CACNG8: variants seen among roughly 807,000 people sequenced by gnomAD.
CACNG8 encodes the protein voltage-dependent calcium channel gamma-8 subunit.
A neutral mutation model predicts 26.9 loss-of-function variants in CACNG8; 5 were observed. That is an observed-to-expected ratio of 0.19 (90% confidence interval 0.10 to 0.39). The LOEUF is 0.39. Ranked by LOEUF, CACNG8 falls within the 10% of genes least tolerant of loss-of-function variation. The pLI, the probability that CACNG8 is intolerant of heterozygous loss-of-function variation, is 1.00. For missense variants in CACNG8, 473 were observed against 609.4 expected, an observed-to-expected ratio of 0.78 and a Z score of 2.36; for synonymous variants, 321 against 296.7, an observed-to-expected ratio of 1.08 and a Z score of -0.84.
rs2069412264 is a variant in CACNG8, at chr19:53,987,056, A to G, written c.*4207A>G. On this transcript the variant is annotated 3_prime_UTR_variant, in exon 4 of 4. Transcript: ENST00000270458. The stretch of plus-strand genomic sequence containing the variant: ...TTTTGAGCACAGGCATGCCATGATC[A>G]TATTTTTATTTTCTTATTTATATTT... 1 of 152,134 alleles carries G rather than the reference A, an allele frequency of 6.6e-6. No homozygotes were observed. Among genetic ancestry groups the G allele is most frequent in the Non-Finnish European group, 1.5e-5 (1 of 68,024 alleles). The allele number at this position is 152,134 out of a possible 1,614,324, so 9.4% of individuals were successfully genotyped here.
intron 1 of CACNG8, among the ~76,000 whole-genome samples, chr19:53,974,120 C>A (rs56266601): frequency 6.6e-6 from 1 of 152,050 alleles, no homozygotes; most frequent in Non-Finnish European, 1.5e-5. Context: ...CACATCCCCC[C>A]ACCCTCCAGC....
Position 53,989,043 on chromosome 19 carries a change from G to A in CACNG8, c.*6194G>A, listed in dbSNP as rs1224481870. 1 of 152,292 alleles carries A rather than the reference G, an allele frequency of 6.6e-6. No individual in the cohort carries two copies. The highest frequency in any genetic ancestry group is 2.4e-5 in the African/African-American group (1 of 41,460). 9.4% of individuals were successfully genotyped at this position (152,292 alleles called of 1,614,324 possible). ...AGCACTCTGGGAGGCCAAGACAGGAGGATTGCTTGAGGCTTGGCGTTTGAG... is the reference window on the plus strand; with the variant it reads ...AGCACTCTGGGAGGCCAAGACAGGAAGATTGCTTGAGGCTTGGCGTTTGAG... On this transcript the variant is annotated 3_prime_UTR_variant, in exon 4 of 4. Transcript: ENST00000270458.
chr19:53,963,282 C>T lies in CACNG8; in HGVS notation c.140C>T (p.Thr47Met), dbSNP rs546450727. The change falls in exon 1 of 4, where the codon ACG (threonine) becomes ATG (methionine). Residue 47 changes from threonine (T) to methionine (M), a missense_variant. Transcript: ENST00000270458. ...ATCAGCACTGACTACTGGCTCTACA[C>T]GCGCGCCCTCATCTGCAACACCACC... The T allele has an allele frequency of 1.2e-6, 2 of 1,609,644 alleles. No homozygotes were observed. The highest frequency in any genetic ancestry group is 8.5e-7 in the Non-Finnish European group (1 of 1,179,358).
chr19:53,966,202 C>G, intron 1 of CACNG8, among the ~76,000 whole-genome samples: 1 of 152,036 alleles, frequency 6.6e-6, no homozygotes, highest in East Asian at 1.9e-4. Context: ...ATTCTCATAC[C>G]TCAGCCTCCC....
chr19:53,965,541 C>T lies in CACNG8; in HGVS notation c.283+2116C>T, dbSNP rs1259258187. Reference sequence around the variant, plus strand: ...ATGGGAGCCCTAGGACAGCACGTGGCATCTAGTAGGGATGTCATTCATTCA... The same window carrying T: ...ATGGGAGCCCTAGGACAGCACGTGGTATCTAGTAGGGATGTCATTCATTCA... On this transcript the variant is annotated intron_variant, in intron 1 of 3. Transcript: ENST00000270458. Among the ~76,000 whole-genome samples the T allele has an allele frequency of 2.6e-5, 4 of 152,142 alleles. No individual in the cohort carries two copies. In the East Asian group the frequency reaches 5.8e-4, roughly 22 times the overall value.
In CACNG8 at chr19:53,987,847, A is replaced by C. The variant is rs1319843826; in HGVS notation, c.*4998A>C. 6.6e-6 allele frequency: 1 copy of C among 151,704 alleles called. No individual in the cohort carries two copies. Among genetic ancestry groups the C allele is most frequent in the Non-Finnish European group, 1.5e-5 (1 of 67,956 alleles). 9.4% of individuals were successfully genotyped at this position (151,704 alleles called of 1,614,324 possible). A position where few individuals can be genotyped will look rare whatever the true frequency, so the allele number is the denominator to read the frequency against. ...GGGAAAGAGAGGCCGTGGCTCAAAA[A>C]CGTAAGTTTTGGAAACGTCAACATA... On this transcript the variant is annotated 3_prime_UTR_variant, in exon 4 of 4. Transcript: ENST00000270458.
At chr19:53,980,494 G>T (rs1040068709) in intron 3 of CACNG8, among the ~76,000 whole-genome samples, 2 of 152,164 alleles carry the variant, frequency 1.3e-5, no homozygotes, top group African/African-American at 4.8e-5. Flanking sequence ...GATCCAAGAG[G>T]GGGCTGGTCC....
chr19:53,971,998 T>C (rs1395857091), intron 1 of CACNG8, among the ~76,000 whole-genome samples: 1 of 152,160 alleles, frequency 6.6e-6, no homozygotes, highest in Admixed American at 6.5e-5. Flanking sequence ...AACTTCCTTT[T>C]TTTTCAGACG....
At position 53,982,039 on chromosome 19, in the gene CACNG8, G is replaced by T. The variant is rs1279328791; in HGVS notation, c.509-41G>T. The T allele has an allele frequency of 1.7e-5, 25 of 1,499,118 alleles. No homozygotes were observed. The highest frequency in any genetic ancestry group is 8.6e-5 in the Admixed American group (4 of 46,306). 92.9% of individuals were successfully genotyped at this position (1,499,118 alleles called of 1,614,324 possible). On this transcript the variant is annotated intron_variant, in intron 3 of 3. Transcript: ENST00000270458. The surrounding 1 kb of genome is among the most constrained non-coding windows in gnomAD (Gnocchi z 8.4). The stretch of plus-strand genomic sequence containing the variant: ...CGGGGCCGGGGGCGGGGGCGGGGCC[G>T]GGGGTGGCCTCGAGGCTCCCGTCTG...
intron 1 of CACNG8, among the ~76,000 whole-genome samples, chr19:53,971,359 C>G (rs1401124883): frequency 6.6e-6 from 1 of 151,680 alleles, no homozygotes; most frequent in Non-Finnish European, 1.5e-5. Flanking sequence ...GGAACAGGTA[C>G]CCAGCATAGC....
chr19:53,970,534 A>G (rs1328690884), intron 1 of CACNG8, among the ~76,000 whole-genome samples: 12 of 149,610 alleles, frequency 8.0e-5, no homozygotes, highest in Non-Finnish European at 1.5e-5. Flanking sequence ...CTGAGGCAGG[A>G]GAATCGCTTG....
intron 1 of CACNG8, among the ~76,000 whole-genome samples, chr19:53,970,269 T>C (rs1230075164): frequency 6.6e-6 from 1 of 151,216 alleles, no homozygotes; most frequent in Admixed American, 6.6e-5. Flanking sequence ...TGAGCCGAGA[T>C]GGCGCCACCG....
At position 53,983,649 on chromosome 19, in the gene CACNG8, G is replaced by A. The variant is rs2069389478; in HGVS notation, c.*800G>A. 6.6e-6 allele frequency: 1 copy of A among 152,256 alleles called. No homozygotes were observed. The highest frequency in any genetic ancestry group is 1.5e-5 in the Non-Finnish European group (1 of 68,072). 9.4% of individuals were successfully genotyped at this position (152,256 alleles called of 1,614,324 possible). ...ACAATAAATTACAGTTAGGCTATAG[G>A]AGAAACGAGATGCTATGAAATGCTC... is the stretch of plus-strand genomic sequence containing the variant. On this transcript the variant is annotated 3_prime_UTR_variant, in exon 4 of 4. Transcript: ENST00000270458.
intron 1 of CACNG8, among the ~76,000 whole-genome samples, chr19:53,966,261 T>C (rs1200632931): frequency 2.0e-5 from 3 of 151,770 alleles, no homozygotes; most frequent in African/African-American, 7.3e-5. Context: ...CTAATTTTTG[T>C]ATTTTTAGTA....
chr19:53,978,127 G>A lies in CACNG8; in HGVS notation c.284-19G>A. 1 of 1,588,332 alleles carries A rather than the reference G, an allele frequency of 6.3e-7. No homozygotes were observed. Among genetic ancestry groups the A allele is most frequent in the Non-Finnish European group, 8.6e-7 (1 of 1,159,924 alleles). On this transcript the variant is annotated intron_variant, in intron 1 of 3. Coordinates refer to ENST00000270458, the MANE Select transcript of CACNG8 (RefSeq NM_031895.6). ...CCCTGAAGTATCCGCCCCCACCACT[G>A]CCCTCCCCGCTCCTCCAGGGTTGAA...
chr19:53,982,994 C>T lies in CACNG8; in HGVS notation c.*145C>T, dbSNP rs2069384078. 4 of 401,276 alleles carry T rather than the reference C, an allele frequency of 1.0e-5. No individual in the cohort carries two copies. The highest frequency in any genetic ancestry group is 3.9e-6 in the Non-Finnish European group (1 of 256,812). The allele number at this position is 401,276 out of a possible 1,614,324, so 24.9% of individuals were successfully genotyped here. A position where few individuals can be genotyped will look rare whatever the true frequency, so the allele number is the denominator to read the frequency against. On this transcript the variant is annotated 3_prime_UTR_variant, in exon 4 of 4. Coordinates refer to ENST00000270458, the MANE Select transcript of CACNG8 (RefSeq NM_031895.6). This position sits in a 1 kb window ranked among gnomAD's most constrained non-coding sequence, Gnocchi z 8.4. ...GCCCGCCCCACGCCCACCCTCCCCG[C>T]CCCCCTCCCCCTCCGAAGCAGGGAC...
At position 53,963,071 on chromosome 19, in the gene CACNG8, C is replaced by A. The variant is rs946762071; in HGVS notation, c.-72C>A. On this transcript the variant is annotated 5_prime_UTR_variant, in exon 1 of 4. Coordinates refer to ENST00000270458, the MANE Select transcript of CACNG8 (RefSeq NM_031895.6). ...TTCTGCCTGCGCTGTGAACCCCCCC[C>A]CAGCCGCCGGCACGGCCCCGCCCCC... is the stretch of plus-strand genomic sequence containing the variant. 5.9e-6 allele frequency: 6 copies of A among 1,014,770 alleles called. No homozygotes were observed. The highest frequency in any genetic ancestry group is 7.9e-6 in the Non-Finnish European group (6 of 760,978). The allele number at this position is 1,014,770 out of a possible 1,614,324, so 62.9% of individuals were successfully genotyped here. A position where few individuals can be genotyped will look rare whatever the true frequency, so the allele number is the denominator to read the frequency against.
chr19:53,972,535 T>C (rs2069308958), intron 1 of CACNG8, among the ~76,000 whole-genome samples: 1 of 151,152 alleles, frequency 6.6e-6, no homozygotes, highest in Non-Finnish European at 1.5e-5. Flanking sequence ...CTAATTTTTG[T>C]ATTTTTAGAA....
rs2069399232 is a variant in CACNG8, at chr19:53,985,129, A to G, written c.*2280A>G. On this transcript the variant is annotated 3_prime_UTR_variant, in exon 4 of 4. Coordinates refer to ENST00000270458, the MANE Select transcript of CACNG8 (RefSeq NM_031895.6). Reference sequence around the variant, plus strand: ...AGCGCCCAGTAGGCTTCCCTTCCATATTTGCTCAGCAAGTGTTTCCTGAGG... The same window carrying G: ...AGCGCCCAGTAGGCTTCCCTTCCATGTTTGCTCAGCAAGTGTTTCCTGAGG... 6.6e-6 allele frequency: 1 copy of G among 152,128 alleles called. No individual in the cohort carries two copies. Among genetic ancestry groups the G allele is most frequent in the Admixed American group, 6.6e-5 (1 of 15,266 alleles). The allele number at this position is 152,128 out of a possible 1,614,324, so 9.4% of individuals were successfully genotyped here. A position where few individuals can be genotyped will look rare whatever the true frequency, so the allele number is the denominator to read the frequency against.
Sources: allele counts gnomAD v4.1 joint callset (sites outside exome capture counted in the v4.1 genomes callset), GRCh38; gene constraint gnomAD v4.1.1; non-coding constraint Gnocchi (gnomAD v3.1); transcripts MANE v1.5; gene names NCBI Gene and HGNC (gene_info 2026-07-23, HGNC 2026-07-21).